Variants in EID2B observed in about 807,000 individuals in gnomAD.
EID2B encodes EP300-interacting inhibitor of differentiation 2B.
EID2B carries 6 observed loss-of-function variants against 5.9 expected under a neutral mutation model. The observed-to-expected ratio is 1.01, with a 90% CI of 0.55 to 2.00. The LOEUF is 2.00. Ranked by LOEUF, EID2B falls within the 30% of genes most tolerant of loss-of-function variation. The pLI, the probability that EID2B is intolerant of heterozygous loss-of-function variation, is 0.00. For synonymous variants in EID2B, 94 were observed against 104.2 expected, an observed-to-expected ratio of 0.90 and a Z score of 0.60; for missense variants, 234 against 228.1, an observed-to-expected ratio of 1.03 and a Z score of -0.17.
Position 39,532,358 on chromosome 19 carries a change from C to A in EID2B, c.445G>T (p.Ala149Ser). ...CTGAGGGCCTCGGAGGCAGTCAGCG[C>A]TACCGTAAACGCGACAGCAGCGAAG... is the stretch of plus-strand genomic sequence containing the variant. ...MDFAAVAFTV[A>S]LTASEALSPL... The change falls in exon 1 of 1, where the codon GCG becomes TCG. Residue 149 changes from alanine (A) to serine (S), a missense_variant. Physicochemically the swap from Ala to Ser is moderately conservative, Grantham distance 99. Coordinates refer to ENST00000326282, the MANE Select transcript of EID2B (RefSeq NM_152361.3). The A allele has an allele frequency of 6.2e-7, 1 of 1,614,108 alleles. No homozygotes were observed. The highest frequency in any genetic ancestry group is 1.1e-5 in the South Asian group (1 of 91,086).
At position 39,532,141 on chromosome 19, in the gene EID2B, G is replaced by T; in HGVS notation, c.*176C>A. Reference sequence around the variant, plus strand: ...AAAGAAAACAAGATTCAACAGTCTTGTCTGTTTCCATTTCGGAGTGTGCTT... The same window carrying T: ...AAAGAAAACAAGATTCAACAGTCTTTTCTGTTTCCATTTCGGAGTGTGCTT... On this transcript the variant is annotated 3_prime_UTR_variant, in exon 1 of 1. Transcript: ENST00000326282. 1.4e-6 allele frequency: 1 copy of T among 702,086 alleles called. No individual in the cohort carries two copies. The highest frequency in any genetic ancestry group is 2.3e-6 in the Non-Finnish European group (1 of 427,694). The allele number at this position is 702,086 out of a possible 1,614,324, so 43.5% of individuals were successfully genotyped here. A position where few individuals can be genotyped will look rare whatever the true frequency, so the allele number is the denominator to read the frequency against.
rs751209565 is a variant in EID2B, at chr19:39,532,625, T to A, written c.178A>T (p.Met60Leu). The A allele has an allele frequency of 3.1e-6, 5 of 1,609,306 alleles. No homozygotes were observed. In the Admixed American group the frequency reaches 6.7e-5, roughly 22 times the overall value. Residue 60 changes from methionine to leucine, a missense_variant, in exon 1 of 1, where the codon ATG (methionine) becomes TTG (leucine). Met to Leu is a conservative substitution (Grantham distance 15, BLOSUM62 2). Coordinates refer to ENST00000326282, the MANE Select transcript of EID2B (RefSeq NM_152361.3). ...VAEAARSMAR[M>L]PGPVPGPIPS... ...ATGGGCCCGGGCACAGGGCCCGGCA[T>A]CCGCGCCATGGACCGCGCAGCTTCG... is the stretch of plus-strand genomic sequence containing the variant.
rs990045025 is a variant in EID2B at position 39,532,060 on chromosome 19, G to C, written c.*257C>G. 8.6e-6 allele frequency: 4 copies of C among 463,264 alleles called. No individual in the cohort carries two copies. The Admixed American group carries it at 1.2e-4, about 14-fold the overall frequency. 28.7% of individuals were successfully genotyped at this position (463,264 alleles called of 1,614,324 possible). A position where few individuals can be genotyped will look rare whatever the true frequency, so the allele number is the denominator to read the frequency against. ...GGATCGCTCGGGTCCAAGCGTTCGGGACCAGCCTAGGGATGCGAGACTCCC... is the reference window on the plus strand; with the variant it reads ...GGATCGCTCGGGTCCAAGCGTTCGGCACCAGCCTAGGGATGCGAGACTCCC... On this transcript the variant is annotated 3_prime_UTR_variant, in exon 1 of 1. Transcript: ENST00000326282.
rs562178495 is a variant in EID2B, at chr19:39,531,935, G to C, written c.*382C>G. ...AAATGCATTGCTAACAAAGTGCTAA[G>C]TCAGAAGTGTCTTGGGACCTGTTTG... On this transcript the variant is annotated 3_prime_UTR_variant, in exon 1 of 1. Transcript: ENST00000326282. 2 of 174,122 alleles carry C rather than the reference G, an allele frequency of 1.1e-5. No homozygotes were observed. Among genetic ancestry groups the C allele is most frequent in the African/African-American group, 4.8e-5 (2 of 42,004 alleles). 10.8% of individuals were successfully genotyped at this position (174,122 alleles called of 1,614,324 possible).
At position 39,531,355 on chromosome 19, in the gene EID2B, T is replaced by C. The variant is rs1159963486; in HGVS notation, c.*962A>G. On this transcript the variant is annotated 3_prime_UTR_variant, in exon 1 of 1. Coordinates refer to ENST00000326282, the MANE Select transcript of EID2B (RefSeq NM_152361.3). ...CACCCAGTTAATTTTTTATTTTTCGTAGAGATGGGGTTTCACCATGTTGGC... is the reference window on the plus strand; with the variant it reads ...CACCCAGTTAATTTTTTATTTTTCGCAGAGATGGGGTTTCACCATGTTGGC... 1.3e-5 allele frequency: 2 copies of C among 152,150 alleles called. No homozygotes were observed. The highest frequency in any genetic ancestry group is 1.3e-4 in the Admixed American group (2 of 15,270). 9.4% of individuals were successfully genotyped at this position (152,150 alleles called of 1,614,324 possible).
At position 39,532,157 on chromosome 19, in the gene EID2B, G is replaced by C; in HGVS notation, c.*160C>G. The C allele has an allele frequency of 1.3e-6, 1 of 771,134 alleles. No individual in the cohort carries two copies. The highest frequency in any genetic ancestry group is 2.7e-5 in the East Asian group (1 of 36,682). The allele number at this position is 771,134 out of a possible 1,614,324, so 47.8% of individuals were successfully genotyped here. On this transcript the variant is annotated 3_prime_UTR_variant, in exon 1 of 1. Transcript: ENST00000326282. ...AACAGTCTTGTCTGTTTCCATTTCG[G>C]AGTGTGCTTCCTCCTTCAATTGCAC...
chr19:39,532,404 G>T lies in EID2B; in HGVS notation c.399C>A (p.Asp133Glu), dbSNP rs555557776. 1 of 1,614,170 alleles carries T rather than the reference G, an allele frequency of 6.2e-7. No individual in the cohort carries two copies. Among genetic ancestry groups the T allele is most frequent in the East Asian group, 2.2e-5 (1 of 44,880 alleles). ...EGCKAREAAF[D>E]ADPPQMDFAA... ...CGAAGTCCATCTGCGGGGGATCCGC[G>T]TCAAAGGCTGCTTCCCTCGCCTTGC... The change falls in exon 1 of 1, where the codon GAC (aspartate) becomes GAA (glutamate). Residue 133 changes from aspartate (D) to glutamate (E), a missense_variant. By Grantham distance (45) the Asp-to-Glu change is conservative. Transcript: ENST00000326282.
chr19:39,532,244 G>GC lies in EID2B; in HGVS notation c.*72dup. The stretch of plus-strand genomic sequence containing the variant: ...TGACTGAGTTAACTAAACTGGCACA[G>GC]CCTGCCTGTTCTTTTGATCCCAAAA... On this transcript the variant is annotated 3_prime_UTR_variant, in exon 1 of 1. Coordinates refer to ENST00000326282, the MANE Select transcript of EID2B (RefSeq NM_152361.3). 1.3e-6 allele frequency: 2 copies of GC among 1,548,014 alleles called. No homozygotes were observed. Among genetic ancestry groups the GC allele is most frequent in the Non-Finnish European group, 1.7e-6 (2 of 1,142,894 alleles).
chr19:39,531,935 G>A lies in EID2B; in HGVS notation c.*382C>T, dbSNP rs562178495. 5 of 174,240 alleles carry A rather than the reference G, an allele frequency of 2.9e-5. No homozygotes were observed. The East Asian group carries it at 8.0e-4, about 28-fold the overall frequency. The allele number at this position is 174,240 out of a possible 1,614,324, so 10.8% of individuals were successfully genotyped here. A position where few individuals can be genotyped will look rare whatever the true frequency, so the allele number is the denominator to read the frequency against. ...AAATGCATTGCTAACAAAGTGCTAAGTCAGAAGTGTCTTGGGACCTGTTTG... is the reference window on the plus strand; with the variant it reads ...AAATGCATTGCTAACAAAGTGCTAAATCAGAAGTGTCTTGGGACCTGTTTG... On this transcript the variant is annotated 3_prime_UTR_variant, in exon 1 of 1. Transcript: ENST00000326282.
At position 39,532,704 on chromosome 19, in the gene EID2B, C is replaced by T; in HGVS notation, c.99G>A (p.Arg33=). The T allele has an allele frequency of 6.2e-7, 1 of 1,609,248 alleles. No individual in the cohort carries two copies. The highest frequency in any genetic ancestry group is 1.1e-5 in the South Asian group (1 of 90,602). ...GTASGVSDVL[R]GAVGGGVRVQ... ...CCCGAACCCCGCCGCCGACTGCCCC[C>T]CGCAGTACGTCGCTGACGCCACTCG... The change falls in exon 1 of 1, where the codon CGG becomes CGA. Residue 33 remains arginine (R), a synonymous_variant. Transcript: ENST00000326282.
In EID2B at chr19:39,531,330, C is replaced by T. The variant is rs907666169; in HGVS notation, c.*987G>A. 5.9e-5 allele frequency: 9 copies of T among 152,184 alleles called. No individual in the cohort carries two copies. The highest frequency in any genetic ancestry group is 1.0e-4 in the Non-Finnish European group (7 of 68,044). 9.4% of individuals were successfully genotyped at this position (152,184 alleles called of 1,614,324 possible). A position where few individuals can be genotyped will look rare whatever the true frequency, so the allele number is the denominator to read the frequency against. On this transcript the variant is annotated 3_prime_UTR_variant, in exon 1 of 1. Transcript: ENST00000326282. ...CTGGGACTACAAGCGCGTGCCACCA[C>T]ACCCAGTTAATTTTTTATTTTTCGT...
In EID2B at chr19:39,532,638, C is replaced by T. The variant is rs1158136981; in HGVS notation, c.165G>A (p.Arg55=). ...CAGGGCCCGGCATCCGCGCCATGGA[C>T]CGCGCAGCTTCGGCCACTGGGCCTT... is the stretch of plus-strand genomic sequence containing the variant. ...AREGPVAEAA[R]SMARMPGPVP... The change falls in exon 1 of 1, where the codon CGG becomes CGA. Residue 55 remains arginine (R), a synonymous_variant. Coordinates refer to ENST00000326282, the MANE Select transcript of EID2B (RefSeq NM_152361.3). The T allele has an allele frequency of 3.1e-6, 5 of 1,608,318 alleles. No individual in the cohort carries two copies. The highest frequency in any genetic ancestry group is 4.2e-6 in the Non-Finnish European group (5 of 1,177,386).
In EID2B at chr19:39,532,617, G is replaced by A. The variant is rs757260648; in HGVS notation, c.186C>T (p.Gly62=). ...EAARSMARMP[G]PVPGPIPSSV... ...TGCTGGGGATGGGCCCGGGCACAGGGCCCGGCATCCGCGCCATGGACCGCG... is the reference window on the plus strand; with the variant it reads ...TGCTGGGGATGGGCCCGGGCACAGGACCCGGCATCCGCGCCATGGACCGCG... The change falls in exon 1 of 1, where the codon GGC becomes GGT. Residue 62 remains glycine, a synonymous_variant. Coordinates refer to ENST00000326282, the MANE Select transcript of EID2B (RefSeq NM_152361.3). 16 of 1,609,742 alleles carry A rather than the reference G, an allele frequency of 9.9e-6. No individual in the cohort carries two copies. Among genetic ancestry groups the A allele is most frequent in the Non-Finnish European group, 1.4e-5 (16 of 1,178,038 alleles).
In EID2B at chr19:39,532,368, C is replaced by A; in HGVS notation, c.435G>T (p.Ala145=). 6.2e-7 allele frequency: 1 copy of A among 1,614,150 alleles called. No homozygotes were observed. Among genetic ancestry groups the A allele is most frequent in the Non-Finnish European group, 8.5e-7 (1 of 1,180,026 alleles). ...CGGAGGCAGTCAGCGCTACCGTAAA[C>A]GCGACAGCAGCGAAGTCCATCTGCG... ...DPPQMDFAAV[A]FTVALTASEA... is the part of the protein sequence containing the mutation. The change falls in exon 1 of 1, where the codon GCG becomes GCT. Residue 145 remains alanine (A), a synonymous_variant. Coordinates refer to ENST00000326282, the MANE Select transcript of EID2B (RefSeq NM_152361.3).
Position 39,531,816 on chromosome 19 carries a change from T to A in EID2B, c.*501A>T, listed in dbSNP as rs574999549. The A allele has an allele frequency of 2.0e-5, 3 of 151,122 alleles. No homozygotes were observed. The highest frequency in any genetic ancestry group is 4.4e-5 in the Non-Finnish European group (3 of 68,062). The allele number at this position is 151,122 out of a possible 1,614,324, so 9.4% of individuals were successfully genotyped here. On this transcript the variant is annotated 3_prime_UTR_variant, in exon 1 of 1. Coordinates refer to ENST00000326282, the MANE Select transcript of EID2B (RefSeq NM_152361.3). ...TTCTTTCATCACTTAGGTTCATTTC[T>A]ATGGGTTCTGTTATTGGCATTTTTT...
chr19:39,532,724 C>T lies in EID2B; in HGVS notation c.79G>A (p.Gly27Ser), dbSNP rs1408723489. 1 of 1,611,050 alleles carries T rather than the reference C, an allele frequency of 6.2e-7. No individual in the cohort carries two copies. Among genetic ancestry groups the T allele is most frequent in the Admixed American group, 1.7e-5 (1 of 59,828 alleles). ...GCCCCCCGCAGTACGTCGCTGACGCCACTCGCGGTGCCCACCTGTGGGACA... is the reference window on the plus strand; with the variant it reads ...GCCCCCCGCAGTACGTCGCTGACGCTACTCGCGGTGCCCACCTGTGGGACA... ...SSVPQVGTASGVSDVLRGAVG... is the reference protein window; with the variant it reads ...SSVPQVGTASSVSDVLRGAVG... Residue 27 changes from glycine to serine, a missense_variant, in exon 1 of 1, where the codon GGC (glycine) becomes AGC (serine). Transcript: ENST00000326282.
chr19:39,532,728 C>T lies in EID2B; in HGVS notation c.75G>A (p.Ala25=), dbSNP rs753715110. The change falls in exon 1 of 1, where the codon GCG becomes GCA. Residue 25 remains alanine (A), a synonymous_variant. Transcript: ENST00000326282. ...CCCGCAGTACGTCGCTGACGCCACTCGCGGTGCCCACCTGTGGGACACTGC... is the reference window on the plus strand; with the variant it reads ...CCCGCAGTACGTCGCTGACGCCACTTGCGGTGCCCACCTGTGGGACACTGC... ...GDSSVPQVGT[A]SGVSDVLRGA... 2.5e-6 allele frequency: 4 copies of T among 1,610,962 alleles called. No homozygotes were observed. Among genetic ancestry groups the T allele is most frequent in the African/African-American group, 1.3e-5 (1 of 74,942 alleles).
rs776768109 is a variant in EID2B at position 39,532,409 on chromosome 19, A to G, written c.394T>C (p.Phe132Leu). ...TCCATCTGCGGGGGATCCGCGTCAA[A>G]GGCTGCTTCCCTCGCCTTGCAGCCT... Reference protein sequence around the residue: ...VEGCKAREAAFDADPPQMDFA... With the variant: ...VEGCKAREAALDADPPQMDFA... The change falls in exon 1 of 1, where the codon TTT (phenylalanine) becomes CTT (leucine). Residue 132 changes from phenylalanine to leucine, a missense_variant. Physicochemically the swap from Phe to Leu is conservative, Grantham distance 22 (BLOSUM62 0). Transcript: ENST00000326282. The G allele has an allele frequency of 1.2e-6, 2 of 1,614,190 alleles. No individual in the cohort carries two copies. The highest frequency in any genetic ancestry group is 1.7e-6 in the Non-Finnish European group (2 of 1,180,034).
At position 39,532,807 on chromosome 19, in the gene EID2B, C is replaced by G. The variant is rs1971985672; in HGVS notation, c.-5G>C. 10 of 1,608,416 alleles carry G rather than the reference C, an allele frequency of 6.2e-6. No individual in the cohort carries two copies. The highest frequency in any genetic ancestry group is 8.5e-6 in the Non-Finnish European group (10 of 1,179,864). The stretch of plus-strand genomic sequence containing the variant: ...CAGCCCAGTCGGCTCCGCCATAGTC[C>G]CAGCGTTTCTACGGAGACTGGAATA... On this transcript the variant is annotated 5_prime_UTR_variant, in exon 1 of 1. Transcript: ENST00000326282.
Sources: gnomAD v4.1 joint callset for allele counts on GRCh38, gnomAD v4.1.1 for gene constraint, MANE v1.5 for transcripts, NCBI Gene and HGNC (gene_info 2026-07-23, HGNC 2026-07-21) for gene names.